CCDC144A: variants seen among roughly 807,000 people sequenced by gnomAD.
CCDC144A encodes the protein coiled-coil domain containing 144A.
In CCDC144A, 41 loss-of-function variants were observed where a neutral mutation model predicts 143.8. The observed-to-expected ratio is 0.29, with a 90% confidence interval of 0.22 to 0.37. The LOEUF (loss-of-function observed/expected upper bound fraction) is 0.37. CCDC144A is among the 10% of genes least tolerant of loss of function. The pLI is 1.00. For missense variants in CCDC144A, 637 were observed against 1,488.8 expected, an observed-to-expected ratio of 0.43 and a Z score of 9.41; for synonymous variants, 242 against 517.9, an observed-to-expected ratio of 0.47 and a Z score of 7.23.
At chr17:16,738,373 C>T (rs1482681374) in intron 12 of CCDC144A, among the ~76,000 whole-genome samples, 4 of 141,068 alleles carry the variant, frequency 2.8e-5, no homozygotes, top group Non-Finnish European at 4.6e-5. Context: ...ACAGTTTACC[C>T]ATTGAACGTG....
At chr17:16,725,002 A>ATTTTTTTTTTTTTTTTTTTTTTTTTT in intron 8 of CCDC144A, among the ~76,000 whole-genome samples, 1 of 37,284 alleles carries the variant, frequency 2.7e-5, no homozygotes. Flanking sequence ...ATAGCTGGTA[A>ATTTTTTTTTTTTTTTTTTTTTTTTTT]TTTTTTTTTT....
At chr17:16,750,375 G>C in intron 12 of CCDC144A, among the ~76,000 whole-genome samples, 1 of 149,916 alleles carries the variant, frequency 6.7e-6, no homozygotes. Flanking sequence ...TGAAGTTCTT[G>C]GCTGAAATTT....
At chr17:16,686,745 C>A (rs1239007153), upstream of CCDC144A, among the ~76,000 whole-genome samples, 3 of 120,234 alleles carry the variant, frequency 2.5e-5, no homozygotes, top group Non-Finnish European at 3.3e-5. Flanking sequence ...GTCACACACA[C>A]AAACACACAC....
intron 12 of CCDC144A, among the ~76,000 whole-genome samples, chr17:16,755,532 T>G: frequency 6.6e-6 from 1 of 152,200 alleles, no homozygotes; most frequent in Non-Finnish European, 1.5e-5. Flanking sequence ...AGGTTTTGCT[T>G]GTCTGAGACG....
At chr17:16,772,358 T>A (rs562049312) in intron 16 of CCDC144A, among the ~76,000 whole-genome samples, 10 of 152,246 alleles carry the variant, frequency 6.6e-5, no homozygotes, top group African/African-American at 2.4e-4. Context: ...TAGTGATTTT[T>A]AAGGCCAAAA....
Position 16,773,799 on chromosome 17 carries a change from A to C in CCDC144A, c.*166A>C. The C allele has an allele frequency of 1.4e-6, 1 of 728,090 alleles. No individual in the cohort carries two copies. Among genetic ancestry groups the C allele is most frequent in the South Asian group, 3.6e-5 (1 of 27,774 alleles). 45.1% of individuals were successfully genotyped at this position (728,090 alleles called of 1,614,324 possible). A position where few individuals can be genotyped will look rare whatever the true frequency, so the allele number is the denominator to read the frequency against. ...TCTTGGCCTCTTCAGCTAACTTTTA[A>C]GTGGATTTTGCAAATGAAAACCAGT... On this transcript the variant is annotated 3_prime_UTR_variant, in exon 17 of 17. Transcript: ENST00000399273.
At chr17:16,705,079 T>C in intron 2 of CCDC144A, 72 bp from the exon 3 acceptor site, 1 of 921,528 alleles carries the variant, frequency 1.1e-6, no homozygotes, top group Non-Finnish European at 1.8e-6. Flanking sequence ...GAAGAAAGCA[T>C]GTATACAAGT....
chr17:16,680,474 G>T, the CCDC144A span, among the ~76,000 whole-genome samples: 1 of 151,620 alleles, frequency 6.6e-6, no homozygotes, highest in Non-Finnish European at 1.5e-5. Flanking sequence ...ATAAATTTCT[G>T]TTAAAAAAAA....
At chr17:16,682,537 A>G in the CCDC144A span, among the ~76,000 whole-genome samples, 1 of 151,994 alleles carries the variant, frequency 6.6e-6, no homozygotes, top group Non-Finnish European at 1.5e-5. Flanking sequence ...TAAAAGAAAG[A>G]TAAGTCCAGG....
the CCDC144A span, among the ~76,000 whole-genome samples, chr17:16,684,522 G>T: frequency 6.6e-6 from 1 of 152,032 alleles, no homozygotes; most frequent in East Asian, 1.9e-4. Context: ...AGGCGTGGTG[G>T]TGTGCGCCTG....
chr17:16,771,333 G>A (rs532709515), intron 15 of CCDC144A, among the ~76,000 whole-genome samples: 1 of 152,186 alleles, frequency 6.6e-6, no homozygotes, highest in Non-Finnish European at 1.5e-5. Context: ...TTGAAAACTG[G>A]CTCTAACCTG....
At chr17:16,716,744 A>G (rs1054035320) in intron 6 of CCDC144A, among the ~76,000 whole-genome samples, 4 of 151,990 alleles carry the variant, frequency 2.6e-5, no homozygotes, top group Non-Finnish European at 5.9e-5. Context: ...AAAACCCAAA[A>G]CATAGCACAG....
chr17:16,707,622 A>T (rs1912135760), intron 4 of CCDC144A, 80 bp downstream of exon 4: 1 of 822,914 alleles, frequency 1.2e-6, no homozygotes, highest in Middle Eastern at 3.6e-4. Flanking sequence ...GCTAGCCCAA[A>T]TGAAATTACC....
rs1386732373 is a variant in CCDC144A at position 16,761,728 on chromosome 17, T to G, written c.3666+10T>G. 1 of 1,605,066 alleles carries G rather than the reference T, an allele frequency of 6.2e-7. No individual in the cohort carries two copies. The highest frequency in any genetic ancestry group is 1.7e-5 in the Admixed American group (1 of 57,430). Reference sequence around the variant, plus strand: ...CATTCTCACCTTGCAGGTTGGTTTATTTATCTGTAATGTGCTTTCATTCAT... The same window carrying G: ...CATTCTCACCTTGCAGGTTGGTTTAGTTATCTGTAATGTGCTTTCATTCAT... On this transcript the variant is annotated intron_variant, in intron 13 of 16. Coordinates refer to ENST00000399273, the MANE Select transcript of CCDC144A (RefSeq NM_001382000.1).
At chr17:16,725,075 C>T (rs1913341340) in intron 8 of CCDC144A, among the ~76,000 whole-genome samples, 1 of 92,308 alleles carries the variant, frequency 1.1e-5, no homozygotes, top group South Asian at 3.5e-4. Flanking sequence ...CATTTCTTCT[C>T]AGGCTTCTTT....
At chr17:16,729,549 A>G (rs1471044920) in intron 9 of CCDC144A, among the ~76,000 whole-genome samples, 5 of 152,042 alleles carry the variant, frequency 3.3e-5, no homozygotes, top group African/African-American at 4.8e-5. Context: ...TGCTGTGCAG[A>G]AGCCTTTTCT....
chr17:16,764,422 A>T (rs910412507), intron 15 of CCDC144A: 77 of 491,412 alleles, frequency 1.6e-4, no homozygotes, highest in African/African-American at 1.4e-3. Context: ...AAATTTTTTT[A>T]AAAACTGCAT....
At chr17:16,752,150 A>G (rs1914822819) in intron 12 of CCDC144A, among the ~76,000 whole-genome samples, 1 of 152,164 alleles carries the variant, frequency 6.6e-6, no homozygotes, top group Non-Finnish European at 1.5e-5. Flanking sequence ...GTGAGTGAGC[A>G]TTACCACGTG....
chr17:16,763,960 C>T lies in CCDC144A; in HGVS notation c.3888-5C>T, dbSNP rs1915487243. 6.2e-7 allele frequency: 1 copy of T among 1,604,306 alleles called. No homozygotes were observed. The highest frequency in any genetic ancestry group is 1.8e-5 in the Admixed American group (1 of 56,712). On this transcript the variant is annotated splice_polypyrimidine_tract_variant and splice_region_variant and intron_variant, in intron 14 of 16. Transcript: ENST00000399273. The stretch of plus-strand genomic sequence containing the variant: ...CTAAGCATTTGTCTTTTTCAATCTT[C>T]ATAGAACTAATGAGATGATAGCAGA...
Sources: allele counts gnomAD v4.1 joint callset (sites outside exome capture counted in the v4.1 genomes callset), GRCh38; gene constraint gnomAD v4.1.1; transcripts MANE v1.5; gene names NCBI Gene and HGNC (gene_info 2026-07-23, HGNC 2026-07-21).